Variants in MYOM2 observed in about 807,000 individuals in gnomAD.
MYOM2 encodes the protein myomesin 2.
Under a neutral mutation model 187.6 loss-of-function variants are expected in MYOM2, and 254 were observed. The observed-to-expected ratio is 1.35, with a 90% CI of 1.22 to 1.50. MYOM2 has a LOEUF of 1.50. Among genes scored for constraint, MYOM2 ranks in the 40% most tolerant of loss-of-function variants. The pLI, the probability that MYOM2 is intolerant of heterozygous loss-of-function variation, is 0.00. For missense variants in MYOM2, 2,796 were observed against 1,924.0 expected (o/e 1.45, Z -8.48); for synonymous variants, 981 against 753.8 (o/e 1.30, Z -4.94).
chr8:2,103,037 TAA>T (rs1209789545), intron 21 of MYOM2, among the ~76,000 whole-genome samples: 4 of 151,984 alleles, frequency 2.6e-5, no homozygotes, highest in Admixed American at 6.5e-5. Context: ...GGTGTCTGAA[TAA>T]ATGAGTGGGA....
chr8:2,089,943 C>T, intron 14 of MYOM2, 65 bp from the exon 15 acceptor site: 2 of 1,502,992 alleles, frequency 1.3e-6, no homozygotes, highest in Non-Finnish European at 1.8e-6. Context: ...ATTTCTTCCT[C>T]CTCCACACGC....
At chr8:2,078,120 C>T (rs550596672) in intron 11 of MYOM2, among the ~76,000 whole-genome samples, 1 of 152,330 alleles carries the variant, frequency 6.6e-6, no homozygotes, top group African/African-American at 2.4e-5. Flanking sequence ...CTGTGAAAAA[C>T]AGAGGTTAAT....
At chr8:2,132,368 C>T (rs1797905265) in intron 32 of MYOM2, among the ~76,000 whole-genome samples, 1 of 152,154 alleles carries the variant, frequency 6.6e-6, no homozygotes, top group South Asian at 2.1e-4. Context: ...TAGAACATGT[C>T]ACTTTAAGGG....
At chr8:2,103,004 C>G (rs149966229) in intron 21 of MYOM2, among the ~76,000 whole-genome samples, 2 of 150,802 alleles carry the variant, frequency 1.3e-5, no homozygotes, top group Middle Eastern at 3.5e-3. Flanking sequence ...GGAGAGTGTG[C>G]ATGGATTATG....
chr8:2,091,319 C>T (rs1796295319), intron 15 of MYOM2, among the ~76,000 whole-genome samples: 1 of 152,152 alleles, frequency 6.6e-6, no homozygotes, highest in Non-Finnish European at 1.5e-5. Context: ...GTTGGGATTC[C>T]AGGTGTGAGC....
intron 32 of MYOM2, among the ~76,000 whole-genome samples, chr8:2,139,755 T>A (rs569990397): frequency 1.7e-4 from 26 of 152,292 alleles, no homozygotes; most frequent in Admixed American, 1.6e-3. Flanking sequence ...CTTCCACAGA[T>A]CTCTCAGGCT....
At chr8:2,086,758 C>T (rs1796098102) in intron 14 of MYOM2, among the ~76,000 whole-genome samples, 1 of 152,206 alleles carries the variant, frequency 6.6e-6, no homozygotes, top group South Asian at 2.1e-4. Context: ...GAGGACTGAG[C>T]TTGAGGGTTC....
chr8:2,084,173 G>A (rs538625219), intron 13 of MYOM2, among the ~76,000 whole-genome samples: 45 of 152,292 alleles, frequency 3.0e-4, no homozygotes, highest in African/African-American at 9.6e-4. Context: ...CACGGTGCAC[G>A]GGTGGAGAGC....
rs893340630 is a variant in MYOM2, at chr8:2,078,844, G to C, written c.1373G>C (p.Arg458Thr). The C allele has an allele frequency of 1.2e-6, 2 of 1,614,132 alleles. No individual in the cohort carries two copies. The highest frequency in any genetic ancestry group is 1.7e-6 in the Non-Finnish European group (2 of 1,179,992). ...FEGRSYIFRV[R>T]AVNSAGISRP... ...GGAAGGTCTTACATATTCCGAGTGAGGGCAGTGAACAGTGCGGGCATCAGC... is the reference window on the plus strand; with the variant it reads ...GGAAGGTCTTACATATTCCGAGTGACGGCAGTGAACAGTGCGGGCATCAGC... The change falls in exon 12 of 37, where the codon AGG becomes ACG. Residue 458 changes from arginine (R) to threonine (T), a missense_variant. Physicochemically the swap from Arg to Thr is moderately conservative, Grantham distance 71. Coordinates refer to ENST00000262113, the MANE Select transcript of MYOM2 (RefSeq NM_003970.4).
intron 8 of MYOM2, among the ~76,000 whole-genome samples, chr8:2,070,080 C>G (rs1318927890): frequency 2.0e-5 from 3 of 152,152 alleles, no homozygotes; most frequent in Non-Finnish European, 4.4e-5. Flanking sequence ...CTGGCTTCAC[C>G]CTAGCAGTCC....
chr8:2,132,669 C>G (rs1044592777), intron 32 of MYOM2, among the ~76,000 whole-genome samples: 2 of 152,102 alleles, frequency 1.3e-5, no homozygotes, highest in Non-Finnish European at 2.9e-5. Context: ...TCACTGTAGC[C>G]CTGATCTCCT....
At chr8:2,133,694 C>T (rs930632034) in intron 32 of MYOM2, among the ~76,000 whole-genome samples, 13 of 152,180 alleles carry the variant, frequency 8.5e-5, no homozygotes, top group Non-Finnish European at 1.8e-4. Flanking sequence ...CTCCTGACCT[C>T]AGGTGATCCA....
intron 25 of MYOM2, among the ~76,000 whole-genome samples, chr8:2,112,050 C>T (rs552027207): frequency 6.6e-6 from 1 of 152,260 alleles, no homozygotes; most frequent in Non-Finnish European, 1.5e-5. Context: ...ATTGCAGCAT[C>T]CCCGGGAGCT....
At chr8:2,052,054 A>G in intron 2 of MYOM2, 104 bp from the exon 3 acceptor site, 1 of 1,422,940 alleles carries the variant, frequency 7.0e-7, no homozygotes, top group Non-Finnish European at 9.8e-7. Flanking sequence ...TGCTCTGCAT[A>G]TACCAGTGGT....
chr8:2,085,230 C>T, intron 13 of MYOM2, 33 bp from the exon 14 acceptor site: 1 of 1,610,476 alleles, frequency 6.2e-7, no homozygotes, highest in Non-Finnish European at 8.5e-7. Context: ...GATGGGGGTC[C>T]TTCAGCACTC....
rs770535431 is a variant in MYOM2 at position 2,129,188 on chromosome 8, C to A, written c.3756C>A (p.Phe1252Leu). ...CTPEGIRLQC[F>L]MKYFTDEMKV... ...CAGAAGGAATACGACTTCAGTGTTT[C>A]ATGAAGTATTTTACAGACGAAATGA... Residue 1252 changes from phenylalanine (F) to leucine (L), a missense_variant, in exon 32 of 37, where the codon TTC (phenylalanine) becomes TTA (leucine). Transcript: ENST00000262113. The A allele has an allele frequency of 6.2e-7, 1 of 1,612,204 alleles. No homozygotes were observed. Among genetic ancestry groups the A allele is most frequent in the Non-Finnish European group, 8.5e-7 (1 of 1,178,298 alleles).
At chr8:2,123,414 C>A in intron 29 of MYOM2, 49 bp downstream of exon 29, 1 of 1,517,436 alleles carries the variant, frequency 6.6e-7, no homozygotes, top group Non-Finnish European at 9.1e-7. Context: ...ACGGCACTTT[C>A]AAATAACTCG....
chr8:2,057,499 C>T lies in MYOM2; in HGVS notation c.402+13C>T, dbSNP rs752089694. ...CATTCAGCAGATGGTAGGAGGGTCT[C>T]AGGGTGGCTGGGTGTCTGGGAAGCG... On this transcript the variant is annotated intron_variant, in intron 4 of 36. Transcript: ENST00000262113. The T allele has an allele frequency of 6.2e-7, 1 of 1,613,882 alleles. No homozygotes were observed. The highest frequency in any genetic ancestry group is 1.7e-5 in the Admixed American group (1 of 59,988).
intron 19 of MYOM2, among the ~76,000 whole-genome samples, chr8:2,099,459 G>C (rs925252883): frequency 3.9e-5 from 6 of 152,226 alleles, no homozygotes; most frequent in Admixed American, 2.6e-4. Flanking sequence ...GGGATCTCGG[G>C]GGAGGCACGA....
Sources: gnomAD v4.1 joint callset for allele counts (sites outside exome capture counted in the v4.1 genomes callset) on GRCh38, gnomAD v4.1.1 for gene constraint, MANE v1.5 for transcripts, NCBI Gene and HGNC (gene_info 2026-07-23, HGNC 2026-07-21) for gene names.